Variants in IGSF11 observed in about 807,000 individuals in gnomAD.
IGSF11 encodes the protein immunoglobulin superfamily member 11.
Under a neutral mutation model 41.0 loss-of-function variants are expected in IGSF11, and 22 were observed. That is an observed-to-expected ratio of 0.54 (90% CI 0.38 to 0.77). The LOEUF (loss-of-function observed/expected upper bound fraction) is 0.77. IGSF11 is among the 30% of genes least tolerant of loss of function. IGSF11 has a pLI of 0.00. For missense variants in IGSF11, 444 were observed against 530.8 expected (o/e 0.84, Z 1.61); for synonymous variants, 219 against 201.3 (o/e 1.09, Z -0.74).
upstream of IGSF11, among the ~76,000 whole-genome samples, chr3:119,105,691 C>T (rs929820265): frequency 6.6e-6 from 1 of 152,152 alleles, no homozygotes; most frequent in African/African-American, 2.4e-5. Context: ...GGAAACCACA[C>T]ATACCATACA....
At chr3:119,056,583 A>T (rs759725030) in intron 1 of IGSF11, among the ~76,000 whole-genome samples, 11 of 152,226 alleles carry the variant, frequency 7.2e-5, no homozygotes, top group Non-Finnish European at 1.3e-4. Flanking sequence ...AACTATTCCA[A>T]TTAACAGAAA....
At chr3:119,134,306 T>C (rs936538353) in intron 1 of IGSF11, among the ~76,000 whole-genome samples, 5 of 152,154 alleles carry the variant, frequency 3.3e-5, no homozygotes, top group African/African-American at 1.2e-4. Flanking sequence ...GATTGTCTAT[T>C]TAGAAAACCC....
chr3:119,122,275 T>C (rs892556289), intron 1 of IGSF11, among the ~76,000 whole-genome samples: 8 of 152,306 alleles, frequency 5.3e-5, no homozygotes, highest in Admixed American at 5.2e-4. Flanking sequence ...GGACTTTGCA[T>C]TGAACTCAGT....
At chr3:119,069,040 C>A (rs1396295775) in intron 1 of IGSF11, among the ~76,000 whole-genome samples, 1 of 151,258 alleles carries the variant, frequency 6.6e-6, no homozygotes, top group East Asian at 1.9e-4. Context: ...CATTCTCCTG[C>A]CTCAGCCTCC....
At chr3:119,119,775 G>A (rs1299699030) in intron 1 of IGSF11, among the ~76,000 whole-genome samples, 1 of 152,064 alleles carries the variant, frequency 6.6e-6, no homozygotes, top group Non-Finnish European at 1.5e-5. Flanking sequence ...GGGGGAGGGG[G>A]GTTATCCTCA....
chr3:119,113,998 G>A (rs559930036), intron 1 of IGSF11, among the ~76,000 whole-genome samples: 12 of 152,338 alleles, frequency 7.9e-5, no homozygotes, highest in African/African-American at 2.6e-4. Context: ...CATATCTGGG[G>A]CCCTTTTAGC....
At chr3:118,905,831 C>A (rs1939525006) in intron 4 of IGSF11, 113 bp from the exon 5 acceptor site, 5 of 1,229,612 alleles carry the variant, frequency 4.1e-6, no homozygotes, top group African/African-American at 1.5e-5. Context: ...CAATAAATTT[C>A]TTTTTTGTGG....
At chr3:119,068,916 C>CTTTTTTT (rs66923529) in intron 1 of IGSF11, among the ~76,000 whole-genome samples, 4 of 114,140 alleles carry the variant, frequency 3.5e-5, no homozygotes, top group African/African-American at 3.7e-5. Flanking sequence ...TGGTTATTTT[C>CTTTTTTT]TTTTTTTTTT....
At chr3:119,085,542 A>C (rs2076657501) in intron 1 of IGSF11, among the ~76,000 whole-genome samples, 1 of 152,222 alleles carries the variant, frequency 6.6e-6, no homozygotes, top group Admixed American at 6.5e-5. Context: ...AACCAATCTG[A>C]AATGTCTGAA....
intron 1 of IGSF11, among the ~76,000 whole-genome samples, chr3:119,031,674 A>AAT (rs1427527141): frequency 6.6e-6 from 1 of 152,226 alleles, no homozygotes; most frequent in African/African-American, 2.4e-5. Flanking sequence ...GTCCATGTTG[A>AAT]ATATATATGT....
intron 1 of IGSF11, among the ~76,000 whole-genome samples, chr3:119,045,312 C>T (rs1298558803): frequency 1.3e-5 from 2 of 152,234 alleles, no homozygotes; most frequent in Non-Finnish European, 2.9e-5. Context: ...CGAAGCAGGG[C>T]GAGGCATTGC....
At chr3:118,971,126 A>C (rs1353594305) in intron 1 of IGSF11, among the ~76,000 whole-genome samples, 1 of 152,196 alleles carries the variant, frequency 6.6e-6, no homozygotes, top group Non-Finnish European at 1.5e-5. Flanking sequence ...TATAAGAGGC[A>C]ATTATACTAT....
chr3:119,135,839 T>C (rs1394909657), intron 1 of IGSF11, among the ~76,000 whole-genome samples: 1 of 152,006 alleles, frequency 6.6e-6, no homozygotes, highest in Non-Finnish European at 1.5e-5. Context: ...ATAGACTAGA[T>C]TAAGAAAATG....
rs533055759 is a variant in IGSF11 at position 118,996,651 on chromosome 3, G to A, written c.52+37880C>T. On this transcript the variant is annotated intron_variant, in intron 1 of 6. Transcript: ENST00000393775. ...GTCTCGCTCTGTCACCTAGGCTGGA[G>A]TGCAGTGGTGCGATCTCGGCTCACT... Among the ~76,000 whole-genome samples the A allele has an allele frequency of 4.6e-5, 7 of 152,014 alleles. No homozygotes were observed. The East Asian group carries it at 1.4e-3, about 29-fold the overall frequency.
chr3:118,916,715 A>C (rs1329122993), intron 4 of IGSF11, among the ~76,000 whole-genome samples: 1 of 152,024 alleles, frequency 6.6e-6, no homozygotes. Flanking sequence ...GAAAGTCAAC[A>C]AGGATACCCA....
intron 1 of IGSF11, among the ~76,000 whole-genome samples, chr3:119,053,035 C>G (rs1324231893): frequency 6.6e-6 from 1 of 152,154 alleles, no homozygotes; most frequent in Non-Finnish European, 1.5e-5. Flanking sequence ...CCACAGCCAA[C>G]ATTATACTGA....
chr3:119,031,257 CAAAT>C (rs1261418138), intron 1 of IGSF11, among the ~76,000 whole-genome samples: 2 of 127,452 alleles, frequency 1.6e-5, no homozygotes, highest in African/African-American at 2.9e-5. Context: ...GACTCCATCT[CAAAT>C]AAATAAATAA....
At chr3:119,095,366 G>T (rs1354233501) in intron 1 of IGSF11, among the ~76,000 whole-genome samples, 1 of 152,062 alleles carries the variant, frequency 6.6e-6, no homozygotes, top group Admixed American at 6.6e-5. Context: ...ATATTCACAG[G>T]GTGGCCTTGC....
intron 1 of IGSF11, among the ~76,000 whole-genome samples, chr3:119,047,801 C>T (rs983567520): frequency 6.6e-6 from 1 of 152,084 alleles, no homozygotes; most frequent in African/African-American, 2.4e-5. Context: ...AACTATCTCT[C>T]AGACCACAGT....
Sources: allele counts gnomAD v4.1 joint callset (sites outside exome capture counted in the v4.1 genomes callset), GRCh38; gene constraint gnomAD v4.1.1; transcripts MANE v1.5; gene names NCBI Gene and HGNC (gene_info 2026-07-23, HGNC 2026-07-21).